KRT80: variants seen among roughly 807,000 people sequenced by gnomAD.
The protein encoded by KRT80 is keratin 80.
In KRT80, 36 loss-of-function variants were observed where a neutral mutation model predicts 51.5. The ratio of observed to expected loss-of-function variants is 0.70; its 90% CI spans 0.54 to 0.92. The LOEUF (loss-of-function observed/expected upper bound fraction) is 0.92. Ranked by LOEUF, KRT80 falls within the 40% of genes least tolerant of loss-of-function variation. The pLI is 0.00. For synonymous variants in KRT80, 235 were observed against 248.3 expected (o/e 0.95, Z 0.50); for missense variants, 566 against 591.7 (o/e 0.96, Z 0.45).
chr12:52,176,513 C>T (rs1256208326), intron 4 of KRT80, among the ~76,000 whole-genome samples: 3 of 148,130 alleles, frequency 2.0e-5, no homozygotes, highest in Non-Finnish European at 3.0e-5. Flanking sequence ...TGGAGTTTCA[C>T]TCTTGTTGCC....
chr12:52,173,689 G>A lies in KRT80; in HGVS notation c.742C>T (p.Leu248=). 6.2e-7 allele frequency: 1 copy of A among 1,612,980 alleles called. No homozygotes were observed. The highest frequency in any genetic ancestry group is 8.5e-7 in the Non-Finnish European group (1 of 1,180,036). The change falls in exon 5 of 9, where the codon CTG becomes TTG. Residue 248 remains leucine (L), a synonymous_variant. Transcript: ENST00000394815. ...VGMDSRCHID[L]SGIVEEVKAQ... ...TTCACCTCCTCCACGATGCCGCTCA[G>A]GTCGATGTGGCAGCGGCTGTCCATG...
At position 52,173,112 on chromosome 12, in the gene KRT80, T is replaced by C; in HGVS notation, c.883A>G (p.Ser295Gly). 1 of 1,613,614 alleles carries C rather than the reference T, an allele frequency of 6.2e-7. No homozygotes were observed. ...SAEYGSSLQS[S>G]RSEIADLNVR... is the part of the protein sequence containing the mutation. Reference sequence around the variant, plus strand: ...TTGAGATCCGCGATCTCGCTGCGGCTGCTCTGGAGGCTGCTCCCATACTCG... The same window carrying C: ...TTGAGATCCGCGATCTCGCTGCGGCCGCTCTGGAGGCTGCTCCCATACTCG... The change falls in exon 6 of 9, where the codon AGC becomes GGC. Residue 295 changes from serine to glycine, a missense_variant. Coordinates refer to ENST00000394815, the MANE Select transcript of KRT80 (RefSeq NM_182507.3).
intron 4 of KRT80, among the ~76,000 whole-genome samples, chr12:52,176,279 G>C (rs1039222149): frequency 1.3e-5 from 2 of 152,166 alleles, no homozygotes; most frequent in African/African-American, 2.4e-5. Flanking sequence ...GACCCCTGGA[G>C]AGCACGTGAG....
chr12:52,173,377 G>A (rs971739857), intron 5 of KRT80, among the ~76,000 whole-genome samples: 1 of 152,046 alleles, frequency 6.6e-6, no homozygotes, highest in African/African-American at 2.4e-5. Flanking sequence ...GCCCACATCT[G>A]GCCTAGCATT....
At chr12:52,177,177 C>T (rs1941241383) in intron 4 of KRT80, among the ~76,000 whole-genome samples, 1 of 152,206 alleles carries the variant, frequency 6.6e-6, no homozygotes. Flanking sequence ...ACACTTAGCA[C>T]AGTGTCTGGA....
chr12:52,171,828 C>T, intron 7 of KRT80, 115 bp from the exon 8 acceptor site: 2 of 743,340 alleles, frequency 2.7e-6, no homozygotes, highest in East Asian at 2.7e-5. Context: ...TGGTCACTCC[C>T]AGCCCTGGGG....
At chr12:52,189,540 C>T (rs1405119628) in intron 1 of KRT80, among the ~76,000 whole-genome samples, 4 of 152,228 alleles carry the variant, frequency 2.6e-5, no homozygotes, top group East Asian at 1.9e-4. Context: ...AGTAGTGGAC[C>T]GGGATTTAAA....
intron 6 of KRT80, among the ~76,000 whole-genome samples, chr12:52,172,703 A>C (rs1222606018): frequency 1.3e-5 from 2 of 152,076 alleles, no homozygotes; most frequent in East Asian, 3.9e-4. Context: ...TCCTGGCTGG[A>C]AGCTGGGACT....
chr12:52,180,419 C>T, intron 4 of KRT80, 94 bp downstream of exon 4: 1 of 770,910 alleles, frequency 1.3e-6, no homozygotes, highest in Non-Finnish European at 1.9e-6. Context: ...TTGGAGGTTC[C>T]ATGCCCCACT....
rs201658930 is a variant in KRT80, at chr12:52,191,716, C to T, written c.187G>A (p.Gly63Ser). 1.5e-3 allele frequency: 2,344 copies of T among 1,613,886 alleles called. No individual in the cohort carries two copies. The highest frequency in any genetic ancestry group is 1.9e-3 in the Non-Finnish European group (2,228 of 1,179,942). The change falls in exon 1 of 9, where the codon GGC becomes AGC. Residue 63 changes from glycine to serine, a missense_variant. Gly to Ser is a moderately conservative substitution (Grantham distance 56). Coordinates refer to ENST00000394815, the MANE Select transcript of KRT80 (RefSeq NM_182507.3). The part of the protein sequence containing the change: ...GTISKVTVNP[G>S]LLVPLDVKLD... The stretch of plus-strand genomic sequence containing the variant: ...TTGACATCCAGGGGCACCAGCAGGC[C>T]GGGGTTCACAGTCACCTTGGAGATA...
In KRT80 at chr12:52,191,998, G is replaced by A; in HGVS notation, c.-96C>T. 8.7e-7 allele frequency: 1 copy of A among 1,142,992 alleles called. No homozygotes were observed. The highest frequency in any genetic ancestry group is 1.2e-6 in the Non-Finnish European group (1 of 838,482). 70.8% of individuals were successfully genotyped at this position (1,142,992 alleles called of 1,614,324 possible). ...GGCTCTGGTTGCTCTGGTCACAGCT[G>A]GGGCGGGCTGGGGACTGAGGAGCAG... On this transcript the variant is annotated 5_prime_UTR_variant, in exon 1 of 9. Coordinates refer to ENST00000394815, the MANE Select transcript of KRT80 (RefSeq NM_182507.3).
intron 4 of KRT80, 104 bp from the exon 5 acceptor site, chr12:52,173,868 G>T: frequency 8.6e-7 from 1 of 1,157,950 alleles, no homozygotes; most frequent in Non-Finnish European, 1.2e-6. Flanking sequence ...GAGTGGAGCT[G>T]CTCCCTTCCT....
At position 52,191,502 on chromosome 12, in the gene KRT80, A is replaced by G. The variant is rs878991761; in HGVS notation, c.300+101T>C. 7 of 1,186,256 alleles carry G rather than the reference A, an allele frequency of 5.9e-6. No homozygotes were observed. The African/African-American group carries it at 7.7e-5, about 13-fold the overall frequency. 73.5% of individuals were successfully genotyped at this position (1,186,256 alleles called of 1,614,324 possible). A position where few individuals can be genotyped will look rare whatever the true frequency, so the allele number is the denominator to read the frequency against. On this transcript the variant is annotated intron_variant, in intron 1 of 8. Coordinates refer to ENST00000394815, the MANE Select transcript of KRT80 (RefSeq NM_182507.3). ...TGCCATCTCCCCATTGGCTGGGTGC[A>G]GGGGTGGGGCGCGGTGATCGATGCT...
chr12:52,191,282 A>T (rs1941476962), intron 1 of KRT80, among the ~76,000 whole-genome samples: 1 of 152,118 alleles, frequency 6.6e-6, no homozygotes, highest in Admixed American at 6.5e-5. Flanking sequence ...TTCCTGCGAG[A>T]GGGCACCCCT....
Position 52,173,678 on chromosome 12 carries a change from G to C in KRT80, c.753C>G (p.Ile251Met). 6.2e-7 allele frequency: 1 copy of C among 1,613,064 alleles called. No homozygotes were observed. Among genetic ancestry groups the C allele is most frequent in the Non-Finnish European group, 8.5e-7 (1 of 1,180,026 alleles). ...DSRCHIDLSG[I>M]VEEVKAQYDA... ...CATACTGGGCCTTCACCTCCTCCACGATGCCGCTCAGGTCGATGTGGCAGC... is the reference window on the plus strand; with the variant it reads ...CATACTGGGCCTTCACCTCCTCCACCATGCCGCTCAGGTCGATGTGGCAGC... The change falls in exon 5 of 9, where the codon ATC (isoleucine) becomes ATG (methionine). Residue 251 changes from isoleucine to methionine, a missense_variant. By Grantham distance (10) the Ile-to-Met change is conservative. Transcript: ENST00000394815.
chr12:52,171,333 T>C lies in KRT80; in HGVS notation c.*65A>G, dbSNP rs1941094228. The C allele has an allele frequency of 6.7e-7, 1 of 1,483,086 alleles. No individual in the cohort carries two copies. The highest frequency in any genetic ancestry group is 1.4e-5 in the South Asian group (1 of 74,054). The allele number at this position is 1,483,086 out of a possible 1,614,324, so 91.9% of individuals were successfully genotyped here. On this transcript the variant is annotated 3_prime_UTR_variant, in exon 9 of 9. Coordinates refer to ENST00000394815, the MANE Select transcript of KRT80 (RefSeq NM_182507.3). ...AACCTAGAGGCTCCAAGCTGCTTTC[T>C]TGAGTCTAGCTTAAGTCCCTCCTGC...
rs200588637 is a variant in KRT80 at position 52,185,395 on chromosome 12, C to T, written c.493G>A (p.Glu165Lys). ...ANLLQVLEKV[E>K]EFRIRYEDEI... ...TCTACGTACCTGATTCGAAACTCCT[C>T]AACCTTCTCCAGCACCTGCAGCAGG... is the stretch of plus-strand genomic sequence containing the variant. The change falls in exon 2 of 9, where the codon GAG (glutamate) becomes AAG (lysine). Residue 165 changes from glutamate (E) to lysine (K), a missense_variant. Glu to Lys is a moderately conservative substitution (Grantham distance 56, BLOSUM62 1). Coordinates refer to ENST00000394815, the MANE Select transcript of KRT80 (RefSeq NM_182507.3). 3.9e-5 allele frequency: 63 copies of T among 1,613,370 alleles called. No homozygotes were observed. The Admixed American group carries it at 4.3e-4, about 11-fold the overall frequency.
intron 7 of KRT80, 133 bp downstream of exon 7, chr12:52,172,065 G>T: frequency 1.1e-6 from 1 of 942,124 alleles, no homozygotes; most frequent in South Asian, 1.6e-5. Context: ...GTTTGTAAGT[G>T]ACTAAGCCAA....
At chr12:52,183,358 C>T (rs537592268) in intron 2 of KRT80, among the ~76,000 whole-genome samples, 41 of 152,226 alleles carry the variant, frequency 2.7e-4, no homozygotes, top group Non-Finnish European at 4.6e-4. Flanking sequence ...ACCCCCGCAA[C>T]TTGTTTATTT....
Sources: gnomAD v4.1 joint callset for allele counts (sites outside exome capture counted in the v4.1 genomes callset) on GRCh38, gnomAD v4.1.1 for gene constraint, MANE v1.5 for transcripts, NCBI Gene and HGNC (gene_info 2026-07-23, HGNC 2026-07-21) for gene names.